Variants in PARP8 observed in about 807,000 individuals in gnomAD.
PARP8 encodes protein mono-ADP-ribosyltransferase PARP8.
A neutral mutation model predicts 124.1 loss-of-function variants in PARP8; 51 were observed. The ratio of observed to expected loss-of-function variants is 0.41; its 90% CI spans 0.33 to 0.52. PARP8 has a LOEUF of 0.52. Among genes scored for constraint, PARP8 ranks in the 20% least tolerant of loss-of-function variants. PARP8 has a pLI of 0.21. For missense variants in PARP8, 860 were observed against 1,018.9 expected, an observed-to-expected ratio of 0.84 and a Z score of 2.12; for synonymous variants, 391 against 361.5, an observed-to-expected ratio of 1.08 and a Z score of -0.93.
chr5:50,685,353 T>C (rs1205300826), intron 2 of PARP8, among the ~76,000 whole-genome samples: 1 of 152,244 alleles, frequency 6.6e-6, no homozygotes, highest in African/African-American at 2.4e-5. Context: ...GGACTTGGTT[T>C]CTTTTCAACA....
At chr5:50,721,252 G>C (rs1755849031) in intron 2 of PARP8, among the ~76,000 whole-genome samples, 1 of 152,012 alleles carries the variant, frequency 6.6e-6, no homozygotes, top group South Asian at 2.1e-4. Context: ...GGAGGCTGCA[G>C]CTGGGAGTGC....
chr5:50,754,227 C>T (rs1308178094), intron 3 of PARP8, among the ~76,000 whole-genome samples: 3 of 148,096 alleles, frequency 2.0e-5, no homozygotes, highest in Non-Finnish European at 4.4e-5. Flanking sequence ...TACATGTGCA[C>T]AACGTGCAGG....
chr5:50,770,278 A>T (rs1761471481), intron 7 of PARP8, among the ~76,000 whole-genome samples: 1 of 152,196 alleles, frequency 6.6e-6, no homozygotes, highest in South Asian at 2.1e-4. Context: ...CTTAGGATTA[A>T]CTTCTGTGAG....
At chr5:50,823,322 T>A (rs1486204009) in intron 17 of PARP8, among the ~76,000 whole-genome samples, 1 of 152,224 alleles carries the variant, frequency 6.6e-6, no homozygotes, top group East Asian at 1.9e-4. Flanking sequence ...TGCATTTCCA[T>A]TTTGATTCTT....
At chr5:50,746,552 A>T (rs1420408714) in intron 2 of PARP8, among the ~76,000 whole-genome samples, 4 of 151,202 alleles carry the variant, frequency 2.6e-5, no homozygotes, top group Admixed American at 2.6e-4. Context: ...TATAAAAAGT[A>T]AAAAAAAATA....
At chr5:50,772,862 A>G (rs1317512471) in intron 7 of PARP8, among the ~76,000 whole-genome samples, 1 of 151,408 alleles carries the variant, frequency 6.6e-6, no homozygotes, top group Non-Finnish European at 1.5e-5. Context: ...ACACCTGGCT[A>G]ATTTTTTTGA....
chr5:50,787,668 G>A (rs1580341801), intron 9 of PARP8, among the ~76,000 whole-genome samples: 1 of 152,026 alleles, frequency 6.6e-6, no homozygotes, highest in East Asian at 1.9e-4. Flanking sequence ...AATGACTGGA[G>A]CGATGAGTGC....
At chr5:50,793,711 T>C in intron 10 of PARP8, among the ~76,000 whole-genome samples, 1 of 152,170 alleles carries the variant, frequency 6.6e-6, no homozygotes. Flanking sequence ...TAGCTTTGCT[T>C]TCCTTTTCAT....
chr5:50,725,495 T>C (rs1256570396), intron 2 of PARP8, among the ~76,000 whole-genome samples: 1 of 152,170 alleles, frequency 6.6e-6, no homozygotes, highest in Admixed American at 6.6e-5. Flanking sequence ...TCCTCACTTT[T>C]AATCTGGGAA....
intron 10 of PARP8, among the ~76,000 whole-genome samples, chr5:50,793,795 A>G (rs1055583424): frequency 2.0e-4 from 30 of 152,148 alleles, no homozygotes; most frequent in African/African-American, 7.2e-4. Flanking sequence ...CATTATAATT[A>G]GTAACAAAAA....
intron 22 of PARP8, among the ~76,000 whole-genome samples, chr5:50,830,578 A>G (rs1223377919): frequency 9.9e-5 from 15 of 152,192 alleles, no homozygotes; most frequent in Admixed American, 9.8e-4. Flanking sequence ...CACTTAAAAA[A>G]TTTTTGGAAT....
chr5:50,702,260 C>G lies in PARP8; in HGVS notation c.146+34135C>G, dbSNP rs2149476830. ...TTTAAAAAAGATAAGTATTACATCA[C>G]AGTTGATCACATAATTGCAGTAATT... On this transcript the variant is annotated intron_variant, in intron 2 of 25. Coordinates refer to ENST00000281631, the MANE Select transcript of PARP8 (RefSeq NM_024615.4). Among the ~76,000 whole-genome samples the G allele has an allele frequency of 1.3e-5, 2 of 152,148 alleles. 1 individual carries two copies. Among genetic ancestry groups the G allele is most frequent in the Middle Eastern group, 6.8e-3 (2 of 292 alleles).
chr5:50,739,709 CATAT>C (rs372997958), intron 2 of PARP8, among the ~76,000 whole-genome samples: 1,083 of 100,956 alleles, frequency 0.011, 80 homozygotes, highest in East Asian at 0.027. Context: ...TGGGTATATA[CATAT>C]ATATATATAT....
At chr5:50,676,879 T>A (rs544375254) in intron 2 of PARP8, among the ~76,000 whole-genome samples, 1 of 152,176 alleles carries the variant, frequency 6.6e-6, no homozygotes, top group African/African-American at 2.4e-5. Context: ...TATTAAGCTT[T>A]AGGGAACCAC....
At chr5:50,718,403 A>T (rs1216711131) in intron 2 of PARP8, among the ~76,000 whole-genome samples, 4 of 151,880 alleles carry the variant, frequency 2.6e-5, no homozygotes, top group African/African-American at 9.7e-5. Flanking sequence ...TGCTTTTAAA[A>T]CCATGGAGAA....
At chr5:50,697,565 A>C (rs1753165977) in intron 2 of PARP8, among the ~76,000 whole-genome samples, 4 of 152,246 alleles carry the variant, frequency 2.6e-5, no homozygotes, top group Admixed American at 6.5e-5. Context: ...GCAGGAGTGC[A>C]GTGGCACGAT....
intron 14 of PARP8, among the ~76,000 whole-genome samples, chr5:50,804,127 A>G (rs1743551807): frequency 6.6e-6 from 1 of 152,082 alleles, no homozygotes; most frequent in Non-Finnish European, 1.5e-5. Context: ...TCTTTTCCCA[A>G]TCCTTTCTTC....
chr5:50,773,149 C>A (rs2149598669), intron 7 of PARP8, among the ~76,000 whole-genome samples: 1 of 152,274 alleles, frequency 6.6e-6, no homozygotes, highest in South Asian at 2.1e-4. Flanking sequence ...GTTGTCTCTT[C>A]ACTATGTTGA....
At chr5:50,832,957 A>C in intron 23 of PARP8, 103 bp downstream of exon 23, 1 of 983,152 alleles carries the variant, frequency 1.0e-6, no homozygotes, top group South Asian at 1.5e-5. Context: ...AAATTATTTA[A>C]TGTGGTCATT....
Sources: allele counts gnomAD v4.1 joint callset (sites outside exome capture counted in the v4.1 genomes callset), GRCh38; gene constraint gnomAD v4.1.1; transcripts MANE v1.5; gene names NCBI Gene and HGNC (gene_info 2026-07-23, HGNC 2026-07-21).